SPIDR: variants seen among roughly 807,000 people sequenced by gnomAD.
The protein encoded by SPIDR is scaffold protein involved in DNA repair, also known as DNA repair-scaffolding protein.
A neutral mutation model predicts 104.6 loss-of-function variants in SPIDR; 93 were observed. The ratio of observed to expected loss-of-function variants is 0.89; its 90% CI spans 0.75 to 1.06. The LOEUF is 1.06. Ranked by LOEUF, SPIDR falls within the 50% of genes least tolerant of loss-of-function variation. The probability of loss-of-function intolerance (pLI) is 0.00; values close to 1 mark genes in which losing one functional copy is unlikely to be tolerated. For missense variants in SPIDR, 1,154 were observed against 1,111.2 expected (o/e 1.04, Z -0.55); for synonymous variants, 431 against 416.9 (o/e 1.03, Z -0.41).
chr8:47,528,733 C>T (rs1192318985), intron 8 of SPIDR, among the ~76,000 whole-genome samples: 2 of 150,454 alleles, frequency 1.3e-5, no homozygotes, highest in Admixed American at 6.6e-5. Flanking sequence ...GAAATGTCAA[C>T]CAAGACTCCC....
At chr8:47,650,790 A>C (rs896696508) in intron 10 of SPIDR, among the ~76,000 whole-genome samples, 19 of 152,326 alleles carry the variant, frequency 1.2e-4, no homozygotes, top group Admixed American at 1.2e-3. Context: ...AGCCCAAGAA[A>C]TAAGGCCAAA....
At chr8:47,683,990 G>A (rs994865701) in intron 11 of SPIDR, among the ~76,000 whole-genome samples, 2 of 151,838 alleles carry the variant, frequency 1.3e-5, no homozygotes, top group Middle Eastern at 3.2e-3. Flanking sequence ...GCTTGGCATA[G>A]AGGCACGTGC....
At chr8:47,680,702 A>G (rs2154475222) in intron 11 of SPIDR, among the ~76,000 whole-genome samples, 1 of 152,394 alleles carries the variant, frequency 6.6e-6, no homozygotes, top group South Asian at 2.1e-4. Context: ...TGCTATGCTT[A>G]GAAACCCTGC....
At chr8:47,347,403 C>G (rs2052355710) in intron 5 of SPIDR, among the ~76,000 whole-genome samples, 1 of 152,150 alleles carries the variant, frequency 6.6e-6, no homozygotes, top group South Asian at 2.1e-4. Flanking sequence ...TGATGTGGTG[C>G]TGAGAAGAAT....
intron 8 of SPIDR, among the ~76,000 whole-genome samples, chr8:47,578,117 C>T (rs565692234): frequency 8.1e-4 from 123 of 152,310 alleles, no homozygotes; most frequent in African/African-American, 2.7e-3. Flanking sequence ...CTACACTATG[C>T]ACTTCACTTG....
chr8:47,645,386 TC>T (rs1240897918), intron 10 of SPIDR, among the ~76,000 whole-genome samples: 21 of 151,914 alleles, frequency 1.4e-4, no homozygotes, highest in Non-Finnish European at 2.1e-4. Flanking sequence ...GGTGGTGTGG[TC>T]ATTGAGGTGA....
intron 8 of SPIDR, among the ~76,000 whole-genome samples, chr8:47,563,191 A>G (rs1040194528): frequency 2.0e-5 from 3 of 151,956 alleles, no homozygotes; most frequent in African/African-American, 7.2e-5. Context: ...CTTTTTTGAA[A>G]CATGGTCACA....
chr8:47,261,222 T>C (rs2032144467), intron 1 of SPIDR, among the ~76,000 whole-genome samples: 2 of 152,200 alleles, frequency 1.3e-5, no homozygotes, highest in South Asian at 2.1e-4. Context: ...TCAGCGGCGG[T>C]ACGGAAAGCG....
chr8:47,414,065 A>G (rs961217702), intron 7 of SPIDR, among the ~76,000 whole-genome samples: 28 of 152,344 alleles, frequency 1.8e-4, no homozygotes, highest in African/African-American at 6.3e-4. Context: ...AGACAGCACT[A>G]ATTGGTGAAG....
At chr8:47,354,755 C>T (rs2054200001) in intron 5 of SPIDR, among the ~76,000 whole-genome samples, 1 of 152,122 alleles carries the variant, frequency 6.6e-6, no homozygotes, top group African/African-American at 2.4e-5. Context: ...GATCCTCCTG[C>T]CTCAGCCTCT....
intron 8 of SPIDR, among the ~76,000 whole-genome samples, chr8:47,482,880 A>G (rs1469039397): frequency 2.0e-5 from 3 of 151,990 alleles, no homozygotes; most frequent in Admixed American, 6.6e-5. Flanking sequence ...CTGTCGCCCA[A>G]GCTGGAGTGC....
At chr8:47,607,350 C>G (rs1212238129) in intron 10 of SPIDR, among the ~76,000 whole-genome samples, 1 of 152,088 alleles carries the variant, frequency 6.6e-6, no homozygotes, top group Non-Finnish European at 1.5e-5. Flanking sequence ...CTTTTAATCT[C>G]AGCTGCCCAT....
At chr8:47,412,985 T>C (rs1165183802) in intron 7 of SPIDR, among the ~76,000 whole-genome samples, 1 of 152,238 alleles carries the variant, frequency 6.6e-6, no homozygotes, top group East Asian at 1.9e-4. Context: ...TTGACTCCCT[T>C]CTTTTGAAGT....
intron 5 of SPIDR, among the ~76,000 whole-genome samples, chr8:47,325,882 A>G (rs571884542): frequency 6.6e-6 from 1 of 152,350 alleles, no homozygotes; most frequent in South Asian, 2.1e-4. Flanking sequence ...AGGGGATCTA[A>G]GAGGAAGAAA....
chr8:47,697,977 C>T (rs1476436356), intron 11 of SPIDR: 1 of 152,168 alleles, frequency 6.6e-6, no homozygotes, highest in African/African-American at 2.4e-5. Context: ...GTCTGCTCCA[C>T]AAACTTGTTG....
intron 8 of SPIDR, among the ~76,000 whole-genome samples, chr8:47,494,693 T>G (rs1303048989): frequency 2.0e-5 from 3 of 152,130 alleles, no homozygotes; most frequent in Non-Finnish European, 4.4e-5. Context: ...TTCTAGTAAG[T>G]GGCATGCCAC....
intron 8 of SPIDR, among the ~76,000 whole-genome samples, chr8:47,502,192 A>G (rs1011505274): frequency 5.3e-5 from 8 of 152,064 alleles, no homozygotes; most frequent in Non-Finnish European, 8.8e-5. Context: ...TTTTCTGTTG[A>G]TTGGAATAGT....
At chr8:47,703,145 T>C (rs1589348821) in intron 14 of SPIDR, among the ~76,000 whole-genome samples, 1 of 152,308 alleles carries the variant, frequency 6.6e-6, no homozygotes, top group Admixed American at 6.5e-5. Context: ...CCGACACGCT[T>C]GTTAGGAATC....
chr8:47,378,329 G>T (rs577576952), intron 5 of SPIDR, among the ~76,000 whole-genome samples: 65 of 152,290 alleles, frequency 4.3e-4, no homozygotes, highest in South Asian at 2.1e-3. Flanking sequence ...CAAGCATTAT[G>T]AAACATGACA....
Sources: allele counts gnomAD v4.1 joint callset (sites outside exome capture counted in the v4.1 genomes callset), GRCh38; gene constraint gnomAD v4.1.1; transcripts MANE v1.5; gene names NCBI Gene and HGNC (gene_info 2026-07-23, HGNC 2026-07-21).